Variants in CFAP47 observed in about 807,000 individuals in gnomAD.
CFAP47 encodes cilia and flagella associated protein 47, also known as cilia- and flagella-associated protein 47.
A neutral mutation model predicts 148.1 loss-of-function variants in CFAP47; 29 were observed. The observed-to-expected ratio is 0.20, with a 90% CI of 0.15 to 0.27. The LOEUF (loss-of-function observed/expected upper bound fraction) is 0.27. CFAP47 is among the 10% of genes least tolerant of loss of function. The pLI, the probability that CFAP47 is intolerant of heterozygous loss-of-function variation, is 1.00. For synonymous variants in CFAP47, 664 were observed against 577.3 expected (o/e 1.15, Z -2.15); for missense variants, 1,872 against 1,697.5 (o/e 1.10, Z -1.81).
chrX:36,356,522 T>G (rs189608324), intron 60 of CFAP47, among the ~76,000 whole-genome samples: 28 of 111,238 alleles, frequency 2.5e-4, no homozygotes, highest in African/African-American at 8.5e-4. Context: ...ATTCCAAAGG[T>G]GTAGCCAACT....
chrX:36,170,618 A>C (rs1365230886), intron 39 of CFAP47, among the ~76,000 whole-genome samples: 2 of 109,771 alleles, frequency 1.8e-5, no homozygotes, highest in East Asian at 2.9e-4. Flanking sequence ...CCTACAAAGG[A>C]CATGAACACA....
intron 63 of CFAP47, among the ~76,000 whole-genome samples, chrX:36,384,270 G>A (rs1198121623): frequency 3.6e-5 from 4 of 111,524 alleles, no homozygotes; most frequent in Non-Finnish European, 7.5e-5. Flanking sequence ...GAACCCGGGA[G>A]GTGGAGATTG....
chrX:36,251,735 C>T (rs1254514644), intron 49 of CFAP47, among the ~76,000 whole-genome samples: 5 of 111,197 alleles, frequency 4.5e-5, no homozygotes, highest in Non-Finnish European at 9.5e-5. Context: ...GTGATAAATA[C>T]TTTCAAATAC....
intron 29 of CFAP47, among the ~76,000 whole-genome samples, chrX:36,081,606 A>G (rs781325630): frequency 1.3e-4 from 15 of 111,501 alleles, no homozygotes; most frequent in Admixed American, 1.3e-3. Context: ...AGAATATTAG[A>G]AAACTGAATC....
intron 60 of CFAP47, among the ~76,000 whole-genome samples, chrX:36,355,605 A>G (rs782511059): frequency 3.6e-5 from 4 of 112,212 alleles, no homozygotes; most frequent in African/African-American, 1.3e-4. Context: ...AGCCAGTCAC[A>G]GAAAGACAAA....
chrX:36,248,202 G>T (rs1555997482), intron 48 of CFAP47, among the ~76,000 whole-genome samples: 1 of 104,901 alleles, frequency 9.5e-6, no homozygotes, highest in Non-Finnish European at 1.9e-5. Flanking sequence ...TATTTATTAT[G>T]TATTATATAT....
chrX:36,354,252 C>T (rs782439466), intron 60 of CFAP47, among the ~76,000 whole-genome samples: 9 of 110,244 alleles, frequency 8.2e-5, no homozygotes, highest in Non-Finnish European at 1.5e-4. Context: ...GAGGTCAAGG[C>T]GGGAGGATCA....
At chrX:36,031,652 T>C (rs181521225) in intron 23 of CFAP47, among the ~76,000 whole-genome samples, 200 of 109,676 alleles carry the variant, frequency 1.8e-3, no homozygotes, top group Admixed American at 6.6e-3. Context: ...ATTCTCCTTA[T>C]ACAAATGGAA....
intron 33 of CFAP47, among the ~76,000 whole-genome samples, chrX:36,126,270 C>T (rs781712467): frequency 1.0e-4 from 11 of 109,645 alleles, no homozygotes; most frequent in African/African-American, 2.0e-4. Context: ...TGACAGGCCC[C>T]GGTGTGTGAT....
chrX:35,924,400 CACACACATATGTGTATAT>C lies in CFAP47; in HGVS notation c.250-1616_250-1599del, dbSNP rs891832257. Reference sequence around the variant, plus strand: ...ATATGCACACATATGTGTATATATGCACACACATATGTGTATATGCACACATATGTGTATATATGTACA... The same window carrying C: ...ATATGCACACATATGTGTATATATGCGCACACATATGTGTATATATGTACA... On this transcript the variant is annotated intron_variant, in intron 1 of 63. Coordinates refer to ENST00000378653, the MANE Select transcript of CFAP47 (RefSeq NM_001304548.2). 9.7e-5 allele frequency among the ~76,000 whole-genome samples: 10 copies of C among 102,714 alleles called. 1 individual carries two copies. Among genetic ancestry groups the C allele is most frequent in the African/African-American group, 3.9e-4 (10 of 25,889 alleles). 89.2% of individuals were successfully genotyped at this position (102,714 alleles called of 115,157 possible).
chrX:35,985,622 A>G (rs777104956), intron 15 of CFAP47, among the ~76,000 whole-genome samples: 1 of 111,487 alleles, frequency 9.0e-6, no homozygotes, highest in East Asian at 2.8e-4. Flanking sequence ...CTGGTTGGGC[A>G]TCCAAGGCTG....
At chrX:36,213,699 A>G (rs1448843256) in intron 45 of CFAP47, among the ~76,000 whole-genome samples, 1 of 112,207 alleles carries the variant, frequency 8.9e-6, no homozygotes, top group African/African-American at 3.2e-5. Flanking sequence ...GAGTAAGTAC[A>G]CTGAGTAAGC....
intron 33 of CFAP47, among the ~76,000 whole-genome samples, chrX:36,131,782 A>G (rs997904917): frequency 2.7e-5 from 3 of 111,754 alleles, no homozygotes; most frequent in Non-Finnish European, 5.7e-5. Flanking sequence ...TTTTATTTCT[A>G]TGACATGTCC....
At chrX:36,367,401 T>G (rs1941888840) in intron 62 of CFAP47, among the ~76,000 whole-genome samples, 1 of 112,125 alleles carries the variant, frequency 8.9e-6, no homozygotes, top group Non-Finnish European at 1.9e-5. Flanking sequence ...TCAAAGGATG[T>G]TTCAGTGTTT....
chrX:36,206,477 G>A (rs1940040063), intron 45 of CFAP47, among the ~76,000 whole-genome samples: 1 of 111,543 alleles, frequency 9.0e-6, no homozygotes, highest in Non-Finnish European at 1.9e-5. Context: ...TTCCTTTGGT[G>A]GACTCACAGA....
chrX:36,272,803 T>G (rs1265650919), intron 49 of CFAP47, among the ~76,000 whole-genome samples: 2 of 111,851 alleles, frequency 1.8e-5, no homozygotes. Context: ...ATTCTTGTTT[T>G]AATTCCATTT....
At chrX:36,041,925 C>CA (rs61099689) in intron 25 of CFAP47, among the ~76,000 whole-genome samples, 1,688 of 29,996 alleles carry the variant, frequency 0.056, 51 homozygotes, top group African/African-American at 0.091. Context: ...GACTCCATCT[C>CA]AAAAAAAAAA....
intron 1 of CFAP47, among the ~76,000 whole-genome samples, chrX:35,924,197 A>G (rs1428212957): frequency 5.7e-5 from 6 of 105,724 alleles, no homozygotes; most frequent in Non-Finnish European, 9.7e-5. Flanking sequence ...GTATGTGTAT[A>G]TATGGACATG....
At chrX:36,333,056 T>G (rs1184121280) in intron 57 of CFAP47, among the ~76,000 whole-genome samples, 1 of 111,830 alleles carries the variant, frequency 8.9e-6, no homozygotes, top group African/African-American at 3.2e-5. Context: ...AAAAGGTAGT[T>G]GGGGGTGTGA....
Sources: gnomAD v4.1 joint callset for allele counts (sites outside exome capture counted in the v4.1 genomes callset) on GRCh38, gnomAD v4.1.1 for gene constraint, MANE v1.5 for transcripts, NCBI Gene and HGNC (gene_info 2026-07-23, HGNC 2026-07-21) for gene names.